The following TFB2M variants were observed in gnomAD, a reference collection of about 807,000 sequenced individuals.
TFB2M encodes the protein transcription factor B2, mitochondrial.
Under a neutral mutation model 41.3 loss-of-function variants are expected in TFB2M, and 44 were observed. That is an observed-to-expected ratio of 1.07 (90% confidence interval 0.84 to 1.37). The LOEUF is 1.37. TFB2M is among the 40% of genes most tolerant of loss of function. The pLI, the probability that TFB2M is intolerant of heterozygous loss-of-function variation, is 0.00. For missense variants in TFB2M, 496 were observed against 490.2 expected (o/e 1.01, Z -0.11); for synonymous variants, 188 against 176.8 (o/e 1.06, Z -0.50).
At chr1:246,546,765 A>T (rs1659030861) in intron 6 of TFB2M, among the ~76,000 whole-genome samples, 1 of 151,668 alleles carries the variant, frequency 6.6e-6, no homozygotes. Context: ...TTTTAATCGG[A>T]TATTTAAAAA....
At position 246,565,851 on chromosome 1, in the gene TFB2M, T is replaced by C. The variant is rs1383898031; in HGVS notation, c.288A>G (p.Pro96=). ...CTGGATTGCACTCCAGCAGTAGGTG[T>C]GGAGGTCTACTTGGTTTTCCCAAAT... ...QIYLGKPSRP[P]HLLLECNPGP... The change falls in exon 1 of 8, where the codon CCA becomes CCG. Residue 96 remains proline (P), a synonymous_variant. Coordinates refer to ENST00000366514, the MANE Select transcript of TFB2M (RefSeq NM_022366.3). 5 of 1,606,070 alleles carry C rather than the reference T, an allele frequency of 3.1e-6. No homozygotes were observed. Among genetic ancestry groups the C allele is most frequent in the Non-Finnish European group, 4.3e-6 (5 of 1,173,200 alleles).
intron 2 of TFB2M, among the ~76,000 whole-genome samples, chr1:246,560,493 A>G (rs1659430078): frequency 6.6e-6 from 1 of 152,210 alleles, no homozygotes; most frequent in Non-Finnish European, 1.5e-5. Context: ...ACTGCACTCC[A>G]GCCTGGGCAA....
At chr1:246,555,320 G>T (rs1659292683) in intron 4 of TFB2M, among the ~76,000 whole-genome samples, 1 of 152,202 alleles carries the variant, frequency 6.6e-6, no homozygotes, top group Non-Finnish European at 1.5e-5. Flanking sequence ...GGGTACAGTG[G>T]CTCATGCCTG....
chr1:246,550,437 A>C (rs971983616), intron 5 of TFB2M, among the ~76,000 whole-genome samples: 2 of 152,212 alleles, frequency 1.3e-5, no homozygotes, highest in Admixed American at 6.5e-5. Flanking sequence ...TGAGGGGAAA[A>C]AAAAAGAATT....
rs1658831758 is a variant in TFB2M, at chr1:246,540,759, A to AAATAGGAATATTTAAATAGG, written c.*271_*272insCCTATTTAAATATTCCTATT. The AAATAGGAATATTTAAATAGG allele has an allele frequency of 3.0e-6, 1 of 337,986 alleles. No homozygotes were observed. The highest frequency in any genetic ancestry group is 5.4e-6 in the Non-Finnish European group (1 of 185,138). 20.9% of individuals were successfully genotyped at this position (337,986 alleles called of 1,614,324 possible). On this transcript the variant is annotated 3_prime_UTR_variant, in exon 8 of 8. Coordinates refer to ENST00000366514, the MANE Select transcript of TFB2M (RefSeq NM_022366.3). ...GCAAAAATCAGCAACAGTACAAGTG[A>AAATAGGAATATTTAAATAGG]AATATTTAAATAGGAATCTGAAACA...
intron 2 of TFB2M, among the ~76,000 whole-genome samples, chr1:246,557,999 C>T (rs1451917148): frequency 6.6e-6 from 1 of 151,902 alleles, no homozygotes; most frequent in African/African-American, 2.4e-5. Flanking sequence ...ATATTTCTAC[C>T]TCCATAACTA....
At chr1:246,553,177 C>T (rs376221709) in intron 4 of TFB2M, among the ~76,000 whole-genome samples, 7 of 151,986 alleles carry the variant, frequency 4.6e-5, no homozygotes, top group African/African-American at 1.2e-4. Flanking sequence ...GCCGGGATTG[C>T]GCCACTGCAC....
In TFB2M at chr1:246,565,936, C is replaced by CT. The variant is rs1558517650; in HGVS notation, c.202dup (p.Ser68LysfsTer5). The CT allele has an allele frequency of 1.2e-6, 2 of 1,614,244 alleles. No homozygotes were observed. Among genetic ancestry groups the CT allele is most frequent in the Non-Finnish European group, 1.7e-6 (2 of 1,180,044 alleles). On this transcript the variant is annotated frameshift_variant, in exon 1 of 8. Coordinates refer to ENST00000366514, the MANE Select transcript of TFB2M (RefSeq NM_022366.3). LOFTEE classifies it high-confidence loss of function. ...GGTTACGTAACGCTTAAAGTCTAAG[C>CT]TGGCCTTAGACGCCTTCCTTGGCGG...
At chr1:246,544,859 A>G (rs551541445) in intron 6 of TFB2M, among the ~76,000 whole-genome samples, 178 bp from the exon 7 acceptor site, 18 of 152,224 alleles carry the variant, frequency 1.2e-4, no homozygotes, top group East Asian at 1.2e-3. Flanking sequence ...AGGCTGGAGT[A>G]CAACGGCGTG....
chr1:246,550,523 C>G (rs1659145563), intron 5 of TFB2M, among the ~76,000 whole-genome samples: 1 of 152,138 alleles, frequency 6.6e-6, no homozygotes, highest in Non-Finnish European at 1.5e-5. Flanking sequence ...AGACTGAAGA[C>G]CTCAGCATAT....
At chr1:246,550,790 G>C (rs972532993) in intron 5 of TFB2M, among the ~76,000 whole-genome samples, 8 of 152,144 alleles carry the variant, frequency 5.3e-5, no homozygotes, top group African/African-American at 1.9e-4. Context: ...GGCCGAGGCA[G>C]GGGAATTGCT....
At chr1:246,560,696 T>A (rs1659434826) in intron 2 of TFB2M, among the ~76,000 whole-genome samples, 1 of 152,080 alleles carries the variant, frequency 6.6e-6, no homozygotes, top group South Asian at 2.1e-4. Context: ...ATACAACAGA[T>A]CACATTTAAA....
chr1:246,564,809 A>G (rs908956722), intron 1 of TFB2M, among the ~76,000 whole-genome samples: 18 of 151,850 alleles, frequency 1.2e-4, no homozygotes, highest in African/African-American at 4.4e-4. Context: ...CCTCCCGAGT[A>G]GCTGGGATTA....
At position 246,565,808 on chromosome 1, in the gene TFB2M, C is replaced by G. The variant is rs1044474003; in HGVS notation, c.313+18G>C. 1.3e-6 allele frequency: 2 copies of G among 1,586,126 alleles called. No homozygotes were observed. The highest frequency in any genetic ancestry group is 2.7e-5 in the African/African-American group (2 of 74,318). ...TAAATGATGAACATCCAAGAAAATGCAATTCAGCTGGACTCACCTGGATTG... is the reference window on the plus strand; with the variant it reads ...TAAATGATGAACATCCAAGAAAATGGAATTCAGCTGGACTCACCTGGATTG... On this transcript the variant is annotated intron_variant, in intron 1 of 7. Coordinates refer to ENST00000366514, the MANE Select transcript of TFB2M (RefSeq NM_022366.3).
chr1:246,547,950 T>A (rs1447095406), intron 6 of TFB2M, among the ~76,000 whole-genome samples: 2 of 88,536 alleles, frequency 2.3e-5, no homozygotes, highest in Non-Finnish European at 5.6e-5. Context: ...ATCACAATTT[T>A]TTTTTTTTTT....
At position 246,566,221 on chromosome 1, in the gene TFB2M, A is replaced by T; in HGVS notation, c.-83T>A. The T allele has an allele frequency of 7.0e-7, 1 of 1,424,534 alleles. No homozygotes were observed. The highest frequency in any genetic ancestry group is 9.5e-7 in the Non-Finnish European group (1 of 1,050,330). 88.2% of individuals were successfully genotyped at this position (1,424,534 alleles called of 1,614,324 possible). On this transcript the variant is annotated 5_prime_UTR_variant, in exon 1 of 8. The change abolishes an upstream ATG in the 5' untranslated region. Transcript: ENST00000366514. The stretch of plus-strand genomic sequence containing the variant: ...CCACGCAGGGTATCCCACGTGGAAC[A>T]TTTTCTGGCGTCCGGGCCAGGTCAA...
chr1:246,542,513 A>T (rs1392250353), intron 7 of TFB2M, among the ~76,000 whole-genome samples: 1 of 152,046 alleles, frequency 6.6e-6, no homozygotes, highest in Non-Finnish European at 1.5e-5. Context: ...CTCTACAAAA[A>T]TCGTAAAAAG....
At chr1:246,564,676 G>C (rs1423504455) in intron 1 of TFB2M, among the ~76,000 whole-genome samples, 1 of 150,860 alleles carries the variant, frequency 6.6e-6, no homozygotes, top group Non-Finnish European at 1.5e-5. Flanking sequence ...TGCAAAACCT[G>C]CACTCTTTTT....
intron 5 of TFB2M, among the ~76,000 whole-genome samples, chr1:246,548,999 C>T (rs1175300492): frequency 6.6e-6 from 1 of 152,158 alleles, no homozygotes; most frequent in African/African-American, 2.4e-5. Context: ...ACTAATCAAA[C>T]TATTTGAATA....
Sources: gnomAD v4.1 joint callset for allele counts (sites outside exome capture counted in the v4.1 genomes callset) on GRCh38, gnomAD v4.1.1 for gene constraint, MANE v1.5 for transcripts, NCBI Gene and HGNC (gene_info 2026-07-23, HGNC 2026-07-21) for gene names.